Variants in CDKN2B-AS1 observed in about 807,000 individuals in gnomAD.
CDKN2B-AS1 encodes CDKN2B antisense RNA 1 (non-protein coding).
chr9:22,053,333 A>C (rs1823432254), intron 3 of CDKN2B-AS1, among the ~76,000 whole-genome samples: 1 of 152,208 alleles, frequency 6.6e-6, no homozygotes, highest in South Asian at 2.1e-4. Flanking sequence ...TCCATTGACC[A>C]TGAAAGAGTG....
chr9:22,004,490 C>A (rs1821072462), intron 1 of CDKN2B-AS1: 1 of 232,474 alleles, frequency 4.3e-6, no homozygotes, highest in Non-Finnish European at 8.5e-6. Context: ...CCCCTGTGAA[C>A]CTTTAACATT....
chr9:22,087,664 T>A (rs902174247), intron 4 of CDKN2B-AS1, among the ~76,000 whole-genome samples: 1 of 152,254 alleles, frequency 6.6e-6, no homozygotes, highest in African/African-American at 2.4e-5. Flanking sequence ...TTTAGTCTGA[T>A]GTTTTCCTAA....
At chr9:22,049,052 G>T (rs1296224041) in intron 2 of CDKN2B-AS1, 1 of 152,010 alleles carries the variant, frequency 6.6e-6, no homozygotes, top group Non-Finnish European at 1.5e-5. Context: ...TTTTCCAGTG[G>T]TGTTTCTAAA....
rs1821131218 is a variant in CDKN2B-AS1, at chr9:22,005,551, A to T, written n.29+10390A>T. On this transcript the variant is annotated intron_variant and non_coding_transcript_variant, in intron 1 of 4. Transcript: ENST00000650946. The surrounding 1 kb of genome is among the most constrained non-coding windows in gnomAD (Gnocchi z 4.9). ...TGGGTTCACCATAACTCCTCAGCAG[A>T]CATTGGAGTGAACGCATCGACTGCC... is the stretch of plus-strand genomic sequence containing the variant. The T allele has an allele frequency of 7.9e-6, 3 of 382,038 alleles. No homozygotes were observed. The South Asian group carries it at 9.5e-5, about 12-fold the overall frequency. 23.7% of individuals were successfully genotyped at this position (382,038 alleles called of 1,614,324 possible).
chr9:22,003,733 G>A (rs1394758497), intron 1 of CDKN2B-AS1: 1 of 231,734 alleles, frequency 4.3e-6, no homozygotes, highest in Admixed American at 5.6e-5. Context: ...CAAAAATTTG[G>A]GTTTTTATAG....
intron 4 of CDKN2B-AS1, among the ~76,000 whole-genome samples, chr9:22,105,159 G>T (rs537515263): frequency 6.6e-5 from 10 of 152,330 alleles, no homozygotes; most frequent in Non-Finnish European, 1.3e-4. Context: ...GAGGGTATGT[G>T]TATACTGGCT....
At chr9:22,104,601 T>C (rs1269692431) in intron 4 of CDKN2B-AS1, among the ~76,000 whole-genome samples, 1 of 152,232 alleles carries the variant, frequency 6.6e-6, no homozygotes, top group Non-Finnish European at 1.5e-5. Flanking sequence ...ATGCTGGGTA[T>C]AAGAAGTTAA....
Position 22,068,584 on chromosome 9 carries a change from G to A in CDKN2B-AS1, n.438+12197G>A, listed in dbSNP as rs903369443. Among the ~76,000 whole-genome samples the A allele has an allele frequency of 3.9e-5, 6 of 152,280 alleles. No individual in the cohort carries two copies. In the South Asian group the frequency reaches 6.2e-4, roughly 16 times the overall value. On this transcript the variant is annotated intron_variant and non_coding_transcript_variant, in intron 4 of 4. Transcript: ENST00000650946. ...TAGCAGAAGTGTAAGGGTGTTACTCGTAGGAGGCCTCTATTGAACTCTTTT... is the reference window on the plus strand; with the variant it reads ...TAGCAGAAGTGTAAGGGTGTTACTCATAGGAGGCCTCTATTGAACTCTTTT...
intron 3 of CDKN2B-AS1, chr9:22,049,326 G>A (rs1823238869): frequency 6.6e-6 from 1 of 152,214 alleles, no homozygotes; most frequent in Admixed American, 6.5e-5. Flanking sequence ...TTTAGTCTAA[G>A]TGGAATGGCT....
intron 4 of CDKN2B-AS1, among the ~76,000 whole-genome samples, chr9:22,066,722 T>A (rs191321707): frequency 6.6e-6 from 1 of 151,858 alleles, no homozygotes; most frequent in Admixed American, 6.5e-5. Flanking sequence ...TAGCATAGAG[T>A]TACCATCGGG....
At chr9:22,075,190 AC>A (rs1415725494) in intron 4 of CDKN2B-AS1, among the ~76,000 whole-genome samples, 5 of 152,210 alleles carry the variant, frequency 3.3e-5, no homozygotes, top group Non-Finnish European at 5.9e-5. Context: ...TTTAGAAAGC[AC>A]TGCAATGTTA....
chr9:22,026,491 A>T (rs1305015684), intron 1 of CDKN2B-AS1, among the ~76,000 whole-genome samples: 2 of 152,238 alleles, frequency 1.3e-5, no homozygotes, highest in East Asian at 3.9e-4. Flanking sequence ...AACAGCAGAG[A>T]TGGGGGCCTG....
intron 1 of CDKN2B-AS1, among the ~76,000 whole-genome samples, chr9:22,013,451 CT>C (rs1423383496): frequency 6.6e-6 from 1 of 151,892 alleles, no homozygotes; most frequent in South Asian, 2.1e-4. Flanking sequence ...CTCTCTCTCT[CT>C]TTTTTTTCTT....
intron 1 of CDKN2B-AS1, among the ~76,000 whole-genome samples, chr9:22,031,345 G>T (rs1437495409): frequency 6.6e-6 from 1 of 152,072 alleles, no homozygotes; most frequent in East Asian, 1.9e-4. Context: ...CTGCACTTTG[G>T]AAAACACTAA....
chr9:22,108,454 C>G (rs181488538), intron 4 of CDKN2B-AS1, among the ~76,000 whole-genome samples: 11 of 152,088 alleles, frequency 7.2e-5, no homozygotes, highest in Non-Finnish European at 1.3e-4. Flanking sequence ...TAAATGGTTA[C>G]GACTCTGCCT....
intron 1 of CDKN2B-AS1, among the ~76,000 whole-genome samples, chr9:22,011,304 A>G (rs1276523421): frequency 6.6e-6 from 1 of 152,244 alleles, no homozygotes; most frequent in Non-Finnish European, 1.5e-5. Context: ...TTTATCTAAT[A>G]TTCTCTGTAT....
chr9:22,053,174 G>T (rs1299322701), intron 3 of CDKN2B-AS1, among the ~76,000 whole-genome samples: 1 of 152,172 alleles, frequency 6.6e-6, no homozygotes, highest in Admixed American at 6.6e-5. Flanking sequence ...AACCAGTTTG[G>T]ATTATCACAC....
intron 1 of CDKN2B-AS1, among the ~76,000 whole-genome samples, chr9:22,031,635 A>T (rs1403808383): frequency 6.6e-6 from 1 of 152,214 alleles, no homozygotes; most frequent in Non-Finnish European, 1.5e-5. Context: ...TATGAAAAAA[A>T]ATAAAAGATG....
rs186915914 is a variant in CDKN2B-AS1 at position 22,003,441 on chromosome 9, G to A, written n.29+8280G>A. The A allele has an allele frequency of 1.0e-3, 229 of 226,604 alleles. 3 individuals carry two copies. Among genetic ancestry groups the A allele is most frequent in the African/African-American group, 4.7e-3 (212 of 45,110 alleles). 14.0% of individuals were successfully genotyped at this position (226,604 alleles called of 1,614,324 possible). A position where few individuals can be genotyped will look rare whatever the true frequency, so the allele number is the denominator to read the frequency against. On this transcript the variant is annotated intron_variant and non_coding_transcript_variant, in intron 1 of 4. Coordinates refer to ENST00000650946, the Ensembl canonical transcript of CDKN2B-AS1. ...TAACATGTTTCATATCTATTTCAAGGGATAATTTTTCATGACCCAGTATAA... is the reference window on the plus strand; with the variant it reads ...TAACATGTTTCATATCTATTTCAAGAGATAATTTTTCATGACCCAGTATAA...
Sources: gnomAD v4.1 joint callset for allele counts (sites outside exome capture counted in the v4.1 genomes callset) on GRCh38, gnomAD v4.1.1 for gene constraint, Gnocchi (gnomAD v3.1) non-coding constraint, MANE v1.5 for transcripts, NCBI Gene and HGNC (gene_info 2026-07-23, HGNC 2026-07-21) for gene names.